Variants in SAMMSON observed in about 807,000 individuals in gnomAD.
SAMMSON encodes the protein survival associated mitochondrial melanoma specific oncogenic non-coding RNA, also known as long intergenic non-protein coding RNA 1212.
chr3:70,222,571 A>C (rs929636193), intron 4 of SAMMSON, among the ~76,000 whole-genome samples: 1 of 152,198 alleles, frequency 6.6e-6, no homozygotes, highest in African/African-American at 2.4e-5. Flanking sequence ...AAATTTGAAG[A>C]GACTCAAAAG....
chr3:70,054,436 G>T (rs549875945), intron 3 of SAMMSON, among the ~76,000 whole-genome samples: 9 of 152,002 alleles, frequency 5.9e-5, no homozygotes, highest in African/African-American at 2.2e-4. Context: ...ACCTCATAAC[G>T]CCTCCATTCC....
chr3:70,309,035 T>C (rs145866490), intron 7 of SAMMSON, among the ~76,000 whole-genome samples: 2 of 152,272 alleles, frequency 1.3e-5, no homozygotes, highest in East Asian at 3.9e-4. Flanking sequence ...GAAAAACACT[T>C]TTTTGAACAA....
At chr3:70,283,040 G>A (rs755696917) in intron 6 of SAMMSON, among the ~76,000 whole-genome samples, 2 of 152,258 alleles carry the variant, frequency 1.3e-5, no homozygotes, top group Non-Finnish European at 2.9e-5. Context: ...ATCACAAGAC[G>A]TTGAGGCTAG....
chr3:70,395,348 T>C (rs945483983), intron 2 of SAMMSON, among the ~76,000 whole-genome samples: 1 of 149,738 alleles, frequency 6.7e-6, no homozygotes, highest in African/African-American at 2.5e-5. Context: ...TTTTTTTTTT[T>C]TGTGTTGTTG....
chr3:70,137,339 A>G (rs1436403176), intron 4 of SAMMSON, among the ~76,000 whole-genome samples: 1 of 152,194 alleles, frequency 6.6e-6, no homozygotes, highest in Non-Finnish European at 1.5e-5. Context: ...TTATGGGCCA[A>G]ATTTGTCCTG....
chr3:70,095,207 G>C (rs562515203), intron 4 of SAMMSON, among the ~76,000 whole-genome samples: 8 of 152,200 alleles, frequency 5.3e-5, no homozygotes, highest in African/African-American at 1.9e-4. Context: ...GGAGGTCCAG[G>C]TTTCTGAAAA....
chr3:70,296,834 T>A (rs925104832), intron 7 of SAMMSON, among the ~76,000 whole-genome samples: 5 of 152,230 alleles, frequency 3.3e-5, no homozygotes, highest in African/African-American at 7.2e-5. Flanking sequence ...GTGGTTTTTT[T>A]AAAAGGCATA....
intron 4 of SAMMSON, among the ~76,000 whole-genome samples, chr3:70,212,549 T>C (rs150903212): frequency 6.6e-6 from 1 of 152,252 alleles, no homozygotes; most frequent in Non-Finnish European, 1.5e-5. Flanking sequence ...TGCTTTTTCA[T>C]TTCCATTACT....
chr3:70,340,768 GT>G (rs1702705709), intron 7 of SAMMSON, among the ~76,000 whole-genome samples: 1 of 152,002 alleles, frequency 6.6e-6, no homozygotes, highest in Non-Finnish European at 1.5e-5. Flanking sequence ...CTTGCACCTG[GT>G]CTCCTCCTGA....
intron 3 of SAMMSON, among the ~76,000 whole-genome samples, chr3:70,016,286 G>T (rs1196671692): frequency 6.6e-6 from 1 of 152,090 alleles, no homozygotes; most frequent in Admixed American, 6.5e-5. Context: ...TCTCATTGTG[G>T]TTTTGATTTG....
At chr3:70,188,370 A>G (rs1339068723) in intron 4 of SAMMSON, among the ~76,000 whole-genome samples, 2 of 152,204 alleles carry the variant, frequency 1.3e-5, no homozygotes, top group Admixed American at 6.5e-5. Flanking sequence ...TAATGCATTA[A>G]TGGCTGTTTA....
At chr3:70,143,619 G>A (rs1480291254) in intron 4 of SAMMSON, among the ~76,000 whole-genome samples, 2 of 152,058 alleles carry the variant, frequency 1.3e-5, no homozygotes, top group East Asian at 1.9e-4. Flanking sequence ...GTAAGAGGGT[G>A]GAAGGAGAGT....
intron 7 of SAMMSON, among the ~76,000 whole-genome samples, chr3:70,307,018 G>T (rs988356800): frequency 6.6e-6 from 1 of 152,102 alleles, no homozygotes; most frequent in Non-Finnish European, 1.5e-5. Flanking sequence ...TAGAGAGATA[G>T]AGAGAAAATC....
At chr3:70,280,563 G>T (rs906569048) in intron 6 of SAMMSON, among the ~76,000 whole-genome samples, 3 of 152,102 alleles carry the variant, frequency 2.0e-5, no homozygotes, top group African/African-American at 7.2e-5. Context: ...TTGGGACTCA[G>T]AAAACGATAT....
chr3:70,125,229 G>A lies in SAMMSON; in HGVS notation n.507+53664G>A, dbSNP rs541783346. ...CCAATGGAAGCTTGTCCTTTCATAC[G>A]ACCTTCTTTCATCAAACGTATATCA... On this transcript the variant is annotated intron_variant and non_coding_transcript_variant, in intron 4 of 9. Transcript: ENST00000642114. 2.3e-5 allele frequency: 31 copies of A among 1,358,998 alleles called. No individual in the cohort carries two copies. In the East Asian group the frequency reaches 6.4e-4, roughly 28 times the overall value. 84.2% of individuals were successfully genotyped at this position (1,358,998 alleles called of 1,614,324 possible).
chr3:70,272,886 A>G (rs1051061415), intron 6 of SAMMSON, among the ~76,000 whole-genome samples: 3 of 152,234 alleles, frequency 2.0e-5, no homozygotes, highest in Non-Finnish European at 4.4e-5. Context: ...AAATCACTGA[A>G]ACAAAATTCT....
At chr3:70,386,306 G>A (rs184029192) in intron 9 of SAMMSON, among the ~76,000 whole-genome samples, 1 of 152,134 alleles carries the variant, frequency 6.6e-6, no homozygotes, top group East Asian at 1.9e-4. Flanking sequence ...AGGGGAGTTG[G>A]GTTAGAAACC....
At chr3:70,018,469 C>T (rs1386901518) in intron 3 of SAMMSON, among the ~76,000 whole-genome samples, 2 of 152,096 alleles carry the variant, frequency 1.3e-5, no homozygotes, top group Admixed American at 6.5e-5. Flanking sequence ...ATTCTTCTCT[C>T]TTTTCTTCTT....
intron 4 of SAMMSON, among the ~76,000 whole-genome samples, chr3:70,180,546 C>G (rs968044376): frequency 6.6e-6 from 1 of 152,110 alleles, no homozygotes; most frequent in African/African-American, 2.4e-5. Flanking sequence ...AACCCTTTTA[C>G]AAGCCTGGGT....
Sources: gnomAD v4.1 joint callset for allele counts (sites outside exome capture counted in the v4.1 genomes callset) on GRCh38, gnomAD v4.1.1 for gene constraint, MANE v1.5 for transcripts, NCBI Gene and HGNC (gene_info 2026-07-23, HGNC 2026-07-21) for gene names.